GRIN2B: variants seen among roughly 807,000 people sequenced by gnomAD.
GRIN2B encodes glutamate ionotropic receptor NMDA type subunit 2B.
In GRIN2B, 5 loss-of-function variants were observed where a neutral mutation model predicts 114.5. That is an observed-to-expected ratio of 0.04 (90% CI 0.02 to 0.09). The LOEUF (loss-of-function observed/expected upper bound fraction) is 0.09. Among genes scored for constraint, GRIN2B ranks in the 10% least tolerant of loss-of-function variants. The pLI is 1.00. For missense variants in GRIN2B, 1,108 were observed against 1,943.5 expected (o/e 0.57, Z 8.08); for synonymous variants, 787 against 745.1 (o/e 1.06, Z -0.92).
intron 3 of GRIN2B, among the ~76,000 whole-genome samples, chr12:13,801,308 T>A (rs1864508571): frequency 6.6e-6 from 1 of 152,190 alleles, no homozygotes; most frequent in Non-Finnish European, 1.5e-5. Flanking sequence ...GTGACCCCTA[T>A]ATAAAAAACT....
chr12:13,783,722 A>G (rs2136657567), intron 3 of GRIN2B, among the ~76,000 whole-genome samples: 1 of 152,274 alleles, frequency 6.6e-6, no homozygotes, highest in East Asian at 1.9e-4. Flanking sequence ...GGAATGTCAA[A>G]TGATCAGAGG....
At chr12:13,798,819 T>C (rs1864459103) in intron 3 of GRIN2B, among the ~76,000 whole-genome samples, 1 of 152,266 alleles carries the variant, frequency 6.6e-6, no homozygotes. Context: ...TCTTAGAACA[T>C]GTCCTCATGA....
At chr12:13,713,619 C>A (rs1346512044) in intron 4 of GRIN2B, among the ~76,000 whole-genome samples, 2 of 151,892 alleles carry the variant, frequency 1.3e-5, no homozygotes, top group African/African-American at 4.8e-5. Flanking sequence ...ATACGTCATT[C>A]CACATGTGAA....
intron 10 of GRIN2B, among the ~76,000 whole-genome samples, chr12:13,588,523 C>A (rs1389030784): frequency 1.3e-5 from 2 of 152,066 alleles, no homozygotes; most frequent in Non-Finnish European, 2.9e-5. Flanking sequence ...TCTGGCCTGA[C>A]AAAAGAAGAT....
intron 2 of GRIN2B, among the ~76,000 whole-genome samples, chr12:13,933,277 C>G (rs568464779): frequency 6.6e-6 from 1 of 152,112 alleles, no homozygotes; most frequent in African/African-American, 2.4e-5. Flanking sequence ...GCCAGCACCC[C>G]GACTGAAACA....
intron 3 of GRIN2B, among the ~76,000 whole-genome samples, chr12:13,824,176 TGG>T (rs1864989169): frequency 6.6e-6 from 1 of 152,190 alleles, no homozygotes; most frequent in African/African-American, 2.4e-5. Flanking sequence ...TTCTATTTCC[TGG>T]AAGAGTTTGT....
chr12:13,947,962 A>C (rs1012566640), intron 2 of GRIN2B, among the ~76,000 whole-genome samples: 7 of 151,896 alleles, frequency 4.6e-5, no homozygotes, highest in Non-Finnish European at 1.0e-4. Context: ...TTGTTCTTTC[A>C]CTCTCCTCAG....
intron 2 of GRIN2B, among the ~76,000 whole-genome samples, chr12:13,878,450 T>A (rs34870448): frequency 0.35 from 52,615 of 152,104 alleles, 9,330 homozygotes; most frequent in Middle Eastern, 0.41. Context: ...AGGATGCCAG[T>A]TCATTTCTTG....
chr12:13,939,543 C>CTTTTTTTTTTTTTT (rs59671145), intron 2 of GRIN2B, among the ~76,000 whole-genome samples: 1 of 88,046 alleles, frequency 1.1e-5, no homozygotes. Context: ...CTGCACCGTG[C>CTTTTTTTTTTTTTT]TTTTTTTTTT....
intron 10 of GRIN2B, among the ~76,000 whole-genome samples, chr12:13,605,558 C>CACACACACAT (rs1275905670): frequency 7.0e-6 from 1 of 143,106 alleles, no homozygotes; most frequent in Non-Finnish European, 1.5e-5. Context: ...CTCTGACACA[C>CACACACACAT]ACACACACAC....
intron 5 of GRIN2B, among the ~76,000 whole-genome samples, chr12:13,671,821 G>A (rs1412021426): frequency 1.3e-5 from 2 of 152,088 alleles, no homozygotes; most frequent in Admixed American, 1.3e-4. Context: ...TCTTCTGAAG[G>A]GTCAGAATTA....
intron 4 of GRIN2B, among the ~76,000 whole-genome samples, chr12:13,747,717 AATTAG>A (rs1437091101): frequency 1.3e-5 from 2 of 152,160 alleles, no homozygotes; most frequent in Non-Finnish European, 2.9e-5. Context: ...TTTCACTGTA[AATTAG>A]ATTAAGTGAA....
intron 4 of GRIN2B, among the ~76,000 whole-genome samples, chr12:13,716,035 C>A (rs190290106): frequency 1.3e-5 from 2 of 151,876 alleles, no homozygotes; most frequent in Non-Finnish European, 2.9e-5. Flanking sequence ...GAGCTAACAG[C>A]CACACAATCC....
intron 3 of GRIN2B, among the ~76,000 whole-genome samples, chr12:13,813,196 A>C (rs1455410236): frequency 1.3e-5 from 2 of 151,982 alleles, no homozygotes; most frequent in Non-Finnish European, 2.9e-5. Context: ...CGGCCTCCCA[A>C]AGTGCTGGGA....
chr12:13,569,035 G>A (rs1313076805), intron 12 of GRIN2B, among the ~76,000 whole-genome samples: 1 of 152,174 alleles, frequency 6.6e-6, no homozygotes, highest in Non-Finnish European at 1.5e-5. Context: ...ATAAAGAGCA[G>A]AGACCTTCCA....
intron 3 of GRIN2B, among the ~76,000 whole-genome samples, chr12:13,801,694 A>T (rs1235169553): frequency 6.6e-6 from 1 of 152,128 alleles, no homozygotes; most frequent in Non-Finnish European, 1.5e-5. Flanking sequence ...CTCAGGAAAA[A>T]TCTTGACAGA....
intron 2 of GRIN2B, among the ~76,000 whole-genome samples, chr12:13,891,907 T>G (rs1866268807): frequency 6.6e-6 from 1 of 152,228 alleles, no homozygotes; most frequent in African/African-American, 2.4e-5. Flanking sequence ...TCTTCTAAGT[T>G]GTCTTAAATA....
intron 4 of GRIN2B, among the ~76,000 whole-genome samples, chr12:13,747,081 C>T (rs77769946): frequency 0.045 from 6,817 of 151,278 alleles, 226 homozygotes; most frequent in Non-Finnish European, 0.073. Context: ...AGGAGGAAGG[C>T]GAAGAGAAAA....
chr12:13,748,546 T>C (rs1157110120), intron 4 of GRIN2B, among the ~76,000 whole-genome samples: 1 of 152,204 alleles, frequency 6.6e-6, no homozygotes, highest in Non-Finnish European at 1.5e-5. Flanking sequence ...TTCTAAACAT[T>C]TTCAGATCAT....
Sources: gnomAD v4.1 joint callset for allele counts (sites outside exome capture counted in the v4.1 genomes callset) on GRCh38, gnomAD v4.1.1 for gene constraint, MANE v1.5 for transcripts, NCBI Gene and HGNC (gene_info 2026-07-23, HGNC 2026-07-21) for gene names.